Variants in CHD6 observed in about 807,000 individuals in gnomAD.
CHD6 encodes the protein chromodomain helicase DNA binding protein 6, also known as ATP-dependent chromatin remodeler CHD6.
CHD6 carries 50 observed loss-of-function variants against 276.9 expected under a neutral mutation model. The ratio of observed to expected loss-of-function variants is 0.18; its 90% CI spans 0.14 to 0.23. CHD6 has a LOEUF of 0.23. Among genes scored for constraint, CHD6 ranks in the 10% least tolerant of loss-of-function variants. CHD6 has a pLI of 1.00. For synonymous variants in CHD6, 1,173 were observed against 1,229.3 expected, an observed-to-expected ratio of 0.95 and a Z score of 0.96; for missense variants, 2,564 against 3,365.8, an observed-to-expected ratio of 0.76 and a Z score of 5.89.
At chr20:41,554,404 T>C in intron 1 of CHD6, among the ~76,000 whole-genome samples, 1 of 152,136 alleles carries the variant, frequency 6.6e-6, no homozygotes, top group Admixed American at 6.5e-5. Context: ...TTTATTTATT[T>C]ATTTTATTGA....
At chr20:41,562,838 A>G (rs953744663) in intron 1 of CHD6, among the ~76,000 whole-genome samples, 1 of 152,178 alleles carries the variant, frequency 6.6e-6, no homozygotes, top group Non-Finnish European at 1.5e-5. Context: ...ACTTATCAAT[A>G]GTGGGTCAAA....
rs2045331842 is a variant in CHD6, at chr20:41,564,207, G to A, written c.-23-12847C>T. The A allele has an allele frequency of 6.5e-6, 4 of 618,498 alleles. No individual in the cohort carries two copies. The South Asian group carries it at 8.1e-5, about 12-fold the overall frequency. The allele number at this position is 618,498 out of a possible 1,614,324, so 38.3% of individuals were successfully genotyped here. The stretch of plus-strand genomic sequence containing the variant: ...GAAATGAGAAGCCATCTACAAAATA[G>A]CTTAAACATGTTTTGGGGCGCTAAA... On this transcript the variant is annotated intron_variant, in intron 1 of 36. Transcript: ENST00000373233.
In CHD6 at chr20:41,457,268, T is replaced by C. The variant is rs61759473; in HGVS notation, c.2825A>G (p.Asn942Ser). ...GAGCAGGCCCATCACACTCACCCCA[T>C]TGGTGCCGCCCTTTCGGTTGATGTC... Reference protein sequence around the residue: ...LQDINRKGGTNGVQQLSKMEV... With the variant: ...LQDINRKGGTSGVQQLSKMEV... The change falls in exon 18 of 37, where the codon AAT (asparagine) becomes AGT (serine). Residue 942 changes from asparagine (N) to serine (S), a missense_variant. Physicochemically the swap from Asn to Ser is conservative, Grantham distance 46 (BLOSUM62 1). Around this residue, in one of 7 missense-constraint regions of CHD6, gnomAD observed 457 missense variants for 889.0 expected, o/e 0.51. Coordinates refer to ENST00000373233, the MANE Select transcript of CHD6 (RefSeq NM_032221.5). The C allele has an allele frequency of 2.8e-5, 45 of 1,613,222 alleles. 1 individual carries two copies. Among genetic ancestry groups the C allele is most frequent in the East Asian group, 8.9e-5 (4 of 44,816 alleles).
Position 41,405,477 on chromosome 20 carries a change from C to T in CHD6, c.7264G>A (p.Glu2422Lys). The change falls in exon 37 of 37, where the codon GAA (glutamate) becomes AAA (lysine). Residue 2422 changes from glutamate (E) to lysine (K), a missense_variant. Around this residue, in one of 7 missense-constraint regions of CHD6, gnomAD observed 1,024 missense variants for 1,047.9 expected, o/e 0.98. Transcript: ENST00000373233. ...KEPGLRGFLPENKFNHTLAEP... is the reference protein window; with the variant it reads ...KEPGLRGFLPKNKFNHTLAEP... ...GCCAGAGTGTGATTGAACTTGTTTT[C>T]TGGAAGAAACCCCTGGAAAAACAAA... 2 of 1,550,626 alleles carry T rather than the reference C, an allele frequency of 1.3e-6. No individual in the cohort carries two copies. The highest frequency in any genetic ancestry group is 1.7e-6 in the Non-Finnish European group (2 of 1,150,358).
rs2048051169 is a variant in CHD6 at position 41,445,867 on chromosome 20, A to C, written c.3774-99T>G. ...TACTGGCATGCTGAGATGCTAAAGT[A>C]ACAATAAACAAAAGGGTTAGGAAGG... On this transcript the variant is annotated intron_variant, in intron 24 of 36. Coordinates refer to ENST00000373233, the MANE Select transcript of CHD6 (RefSeq NM_032221.5). The C allele has an allele frequency of 5.8e-6, 4 of 694,444 alleles. No individual in the cohort carries two copies. The Middle Eastern group carries it at 7.3e-4, about 127-fold the overall frequency. 43.0% of individuals were successfully genotyped at this position (694,444 alleles called of 1,614,324 possible). A position where few individuals can be genotyped will look rare whatever the true frequency, so the allele number is the denominator to read the frequency against.
chr20:41,554,208 G>A (rs1360728396), intron 1 of CHD6, among the ~76,000 whole-genome samples: 1 of 152,088 alleles, frequency 6.6e-6, no homozygotes, highest in Admixed American at 6.5e-5. Flanking sequence ...AATTACTTTT[G>A]TAATGTATAA....
At chr20:41,504,105 G>A (rs75983204) in intron 5 of CHD6, among the ~76,000 whole-genome samples, 3,907 of 87,820 alleles carry the variant, frequency 0.044, 1 homozygote, top group African/African-American at 0.09. Flanking sequence ...AAAAAAAAAA[G>A]AAATACATTA....
chr20:41,538,095 T>C (rs2044870652), intron 2 of CHD6, among the ~76,000 whole-genome samples: 1 of 152,198 alleles, frequency 6.6e-6, no homozygotes, highest in Non-Finnish European at 1.5e-5. Flanking sequence ...CTCACACCTA[T>C]AATCCCAGCA....
chr20:41,539,836 T>C (rs886622290), intron 2 of CHD6, among the ~76,000 whole-genome samples: 3 of 152,192 alleles, frequency 2.0e-5, no homozygotes, highest in Non-Finnish European at 2.9e-5. Flanking sequence ...AAATTAATAG[T>C]ACACCCATCA....
At chr20:41,472,901 A>G (rs1010305) in intron 17 of CHD6, 96,901 of 159,058 alleles carry the variant, frequency 0.61, 31,834 homozygotes, top group East Asian at 0.91. Flanking sequence ...CCCCTGCCAC[A>G]CCATGGAACT....
chr20:41,530,314 G>A (rs555050193), intron 3 of CHD6, among the ~76,000 whole-genome samples: 61 of 152,332 alleles, frequency 4.0e-4, no homozygotes, highest in Non-Finnish European at 7.8e-4. Flanking sequence ...GCCAACAGCA[G>A]GGCTTCAGAA....
At chr20:41,523,208 G>C (rs1288231738) in intron 3 of CHD6, among the ~76,000 whole-genome samples, 1 of 152,070 alleles carries the variant, frequency 6.6e-6, no homozygotes, top group Non-Finnish European at 1.5e-5. Context: ...AAGCTAATTT[G>C]ATTGGGTTTA....
At chr20:41,612,370 A>C (rs2045895552) in intron 1 of CHD6, among the ~76,000 whole-genome samples, 1 of 152,158 alleles carries the variant, frequency 6.6e-6, no homozygotes, top group Non-Finnish European at 1.5e-5. Flanking sequence ...TTTACAACTC[A>C]AGGCAAAACT....
chr20:41,597,987 G>A (rs1243629450), intron 1 of CHD6, among the ~76,000 whole-genome samples: 1 of 152,112 alleles, frequency 6.6e-6, no homozygotes, highest in Non-Finnish European at 1.5e-5. Flanking sequence ...TGCAAACAGA[G>A]CGTCTCTGCC....
intron 16 of CHD6, among the ~76,000 whole-genome samples, chr20:41,479,057 GAACT>G (rs2043231171): frequency 6.6e-6 from 1 of 152,056 alleles, no homozygotes; most frequent in African/African-American, 2.4e-5. Context: ...GGAAATTTTA[GAACT>G]AATAAATAAA....
chr20:41,417,408 T>G, intron 31 of CHD6, 59 bp from the exon 32 acceptor site: 1 of 1,445,162 alleles, frequency 6.9e-7, no homozygotes, highest in Non-Finnish European at 9.4e-7. Flanking sequence ...ATACTAGTGA[T>G]CTGAGAGATT....
At chr20:41,405,729 C>T (rs1018855918) in intron 36 of CHD6, among the ~76,000 whole-genome samples, 1 of 152,152 alleles carries the variant, frequency 6.6e-6, no homozygotes, top group Non-Finnish European at 1.5e-5. Context: ...CCTGTCACTG[C>T]CCAGTGGTAA....
At chr20:41,515,070 G>A (rs2044218943) in intron 3 of CHD6, 118 bp from the exon 4 acceptor site, 23 of 999,422 alleles carry the variant, frequency 2.3e-5, no homozygotes, top group Non-Finnish European at 3.0e-6. Context: ...GGCTTTAATG[G>A]GGAATCTACA....
chr20:41,407,412 G>A (rs1034858334), intron 36 of CHD6, among the ~76,000 whole-genome samples: 2 of 152,176 alleles, frequency 1.3e-5, no homozygotes, highest in Non-Finnish European at 2.9e-5. Context: ...CCCACAGAAC[G>A]CAGAGAAAGA....
Sources: allele counts gnomAD v4.1 joint callset (sites outside exome capture counted in the v4.1 genomes callset), GRCh38; gene constraint gnomAD v4.1.1; regional missense constraint gnomAD v4.1.1; transcripts MANE v1.5; gene names NCBI Gene and HGNC (gene_info 2026-07-23, HGNC 2026-07-21).